WDPCP: variants seen among roughly 807,000 people sequenced by gnomAD.
The protein encoded by WDPCP is WD repeat-containing and planar cell polarity effector protein fritz homolog.
Under a neutral mutation model 93.1 loss-of-function variants are expected in WDPCP, and 71 were observed. The observed-to-expected ratio is 0.76, with a 90% CI of 0.63 to 0.93. The LOEUF (loss-of-function observed/expected upper bound fraction) is 0.93, where lower values mean the gene tolerates loss of function less well. WDPCP is among the 40% of genes least tolerant of loss of function. The probability of loss-of-function intolerance (pLI) is 0.00; values close to 1 mark genes in which losing one functional copy is unlikely to be tolerated. For missense variants in WDPCP, 844 were observed against 887.4 expected (o/e 0.95, Z 0.62); for synonymous variants, 315 against 315.0 (o/e 1.00, Z 0.00).
chr2:63,387,975 GAC>G (rs1156725490), intron 10 of WDPCP, among the ~76,000 whole-genome samples: 1 of 152,068 alleles, frequency 6.6e-6, no homozygotes, highest in Non-Finnish European at 1.5e-5. Flanking sequence ...AATCAGAGAT[GAC>G]ACAAACAAAT....
At chr2:63,628,147 C>T (rs1709829803) in intron 3 of WDPCP, among the ~76,000 whole-genome samples, 1 of 151,990 alleles carries the variant, frequency 6.6e-6, no homozygotes, top group African/African-American at 2.4e-5. Flanking sequence ...CGCCGAGGCC[C>T]GCAAAGGGGT....
intron 14 of WDPCP, among the ~76,000 whole-genome samples, chr2:63,178,592 CTCTT>C (rs1241888534): frequency 6.6e-5 from 10 of 151,770 alleles, no homozygotes; most frequent in Admixed American, 5.9e-4. Context: ...TGAGTCTTCT[CTCTT>C]TTTTTTAATT....
chr2:63,572,701 C>CAAAAAAAAAAAAAAAAAAAAAAAAAA lies in WDPCP; in HGVS notation c.75+15495_75+15496insTTTTTTTTTTTTTTTTTTTTTTTTTT. Among the ~76,000 whole-genome samples, 29 of 24,776 alleles carry CAAAAAAAAAAAAAAAAAAAAAAAAAA rather than the reference C, an allele frequency of 1.2e-3. 3 individuals carry two copies. Among genetic ancestry groups the CAAAAAAAAAAAAAAAAAAAAAAAAAA allele is most frequent in the Non-Finnish European group, 1.3e-3 (21 of 16,476 alleles). 16.3% of individuals were successfully genotyped at this position (24,776 alleles called of 152,430 possible). A position where few individuals can be genotyped will look rare whatever the true frequency, so the allele number is the denominator to read the frequency against. On this transcript the variant is annotated intron_variant, in intron 1 of 17. Transcript: ENST00000272321. ...TGGGTGACAGAGTGAGACTCTGTCT[C>CAAAAAAAAAAAAAAAAAAAAAAAAAA]AAAAAAAAAAAAAAAAAAAAAAAAA...
chr2:63,176,621 G>A (rs1398985839), intron 14 of WDPCP, among the ~76,000 whole-genome samples: 1 of 152,036 alleles, frequency 6.6e-6, no homozygotes, highest in African/African-American at 2.4e-5. Context: ...TAAGTTGTAG[G>A]AGCTCTGTAT....
intron 13 of WDPCP, among the ~76,000 whole-genome samples, chr2:63,281,643 C>T (rs1359053005): frequency 6.6e-6 from 1 of 152,070 alleles, no homozygotes; most frequent in Non-Finnish European, 1.5e-5. Context: ...ACTACTCAGC[C>T]ATAAAAAGGA....
intron 13 of WDPCP, among the ~76,000 whole-genome samples, chr2:63,295,956 T>G (rs2103650543): frequency 6.7e-6 from 1 of 150,364 alleles, no homozygotes; most frequent in African/African-American, 2.4e-5. Context: ...AGTATCATCC[T>G]GATACCAAAA....
At chr2:63,485,022 C>T (rs1020321331) in intron 4 of WDPCP, 35 bp from the exon 5 acceptor site, 10 of 1,610,704 alleles carry the variant, frequency 6.2e-6, no homozygotes, top group African/African-American at 2.7e-5. Context: ...GTTAGTTAAA[C>T]AAGATTTAAA....
At chr2:63,211,229 A>C (rs1165425029) in intron 14 of WDPCP, among the ~76,000 whole-genome samples, 1 of 152,288 alleles carries the variant, frequency 6.6e-6, no homozygotes, top group East Asian at 1.9e-4. Flanking sequence ...CTGACACCTC[A>C]TACAGCCGGC....
At chr2:63,210,408 A>G (rs2104402446) in intron 14 of WDPCP, among the ~76,000 whole-genome samples, 1 of 152,282 alleles carries the variant, frequency 6.6e-6, no homozygotes, top group African/African-American at 2.4e-5. Flanking sequence ...AAATTTTTTA[A>G]ATTAAAATTT....
intron 2 of WDPCP, chr2:63,752,043 A>T (rs1195030084): frequency 4.8e-6 from 3 of 624,550 alleles, no homozygotes; most frequent in Non-Finnish European, 9.0e-6. Flanking sequence ...TTCCAGAACC[A>T]CTTCAACCTC....
intron 2 of WDPCP, among the ~76,000 whole-genome samples, chr2:63,716,844 A>G (rs541429994): frequency 2.6e-5 from 4 of 152,366 alleles, no homozygotes; most frequent in African/African-American, 7.2e-5. Flanking sequence ...GGATTGAGTG[A>G]GGCAAAGAAA....
At chr2:63,273,086 A>C (rs1682783607) in intron 13 of WDPCP, among the ~76,000 whole-genome samples, 2 of 152,204 alleles carry the variant, frequency 1.3e-5, no homozygotes, top group Non-Finnish European at 2.9e-5. Context: ...AGGATGATAT[A>C]TTCAAACTAC....
At chr2:63,493,052 A>C (rs1700995134) in intron 1 of WDPCP, 112 bp from the exon 2 acceptor site, 4 of 888,638 alleles carry the variant, frequency 4.5e-6, no homozygotes, top group Non-Finnish European at 7.2e-6. Flanking sequence ...TGTTATTTGA[A>C]ATATGGCCCA....
intron 13 of WDPCP, among the ~76,000 whole-genome samples, chr2:63,265,475 A>G (rs1354603310): frequency 3.3e-5 from 5 of 152,188 alleles, no homozygotes; most frequent in Non-Finnish European, 7.4e-5. Context: ...TAAGTCAGGA[A>G]AGAAAGAAAT....
At position 63,555,462 on chromosome 2, in the gene WDPCP, G is replaced by A. The variant is rs559847891; in HGVS notation, c.75+32735C>T. 9.2e-5 allele frequency among the ~76,000 whole-genome samples: 14 copies of A among 152,352 alleles called. No homozygotes were observed. The South Asian group carries it at 2.9e-3, about 32-fold the overall frequency. ...GTCCAGGCCAGTGGGATTCCCCCCA[G>A]TGCAGCACACCCTCTCTGCCAAGGG... On this transcript the variant is annotated intron_variant, in intron 1 of 17. Coordinates refer to ENST00000272321, the MANE Select transcript of WDPCP (RefSeq NM_015910.7).
intron 14 of WDPCP, 117 bp from the exon 15 acceptor site, chr2:63,174,949 A>G (rs561296582): frequency 5.2e-6 from 6 of 1,153,254 alleles, no homozygotes; most frequent in South Asian, 2.6e-5. Flanking sequence ...TTCTTTGTCA[A>G]TTTCAAAATC....
At chr2:63,377,528 T>A (rs1206308730) in intron 12 of WDPCP, among the ~76,000 whole-genome samples, 1 of 151,006 alleles carries the variant, frequency 6.6e-6, no homozygotes, top group Admixed American at 6.6e-5. Context: ...TTATTTTTAA[T>A]AATTTAATAA....
the WDPCP span, among the ~76,000 whole-genome samples, chr2:63,836,377 G>A: frequency 1.3e-5 from 2 of 152,120 alleles, no homozygotes; most frequent in Non-Finnish European, 2.9e-5. Flanking sequence ...AGTTGAAAGA[G>A]GCAGAAAAAA....
upstream of WDPCP, chr2:63,589,305 C>T (rs1345569563): frequency 3.2e-6 from 5 of 1,550,726 alleles, no homozygotes; most frequent in East Asian, 2.4e-5. Context: ...GATCTTAATC[C>T]TGCTGCATGA....
Sources: gnomAD v4.1 joint callset for allele counts (sites outside exome capture counted in the v4.1 genomes callset) on GRCh38, gnomAD v4.1.1 for gene constraint, MANE v1.5 for transcripts, NCBI Gene and HGNC (gene_info 2026-07-23, HGNC 2026-07-21) for gene names.